STK39: variants seen among roughly 807,000 people sequenced by gnomAD.
The protein encoded by STK39 is serine/threonine kinase 39.
In STK39, 20 loss-of-function variants were observed where a neutral mutation model predicts 77.8. The ratio of observed to expected loss-of-function variants is 0.26; its 90% CI spans 0.18 to 0.37. STK39 has a LOEUF of 0.37. STK39 is among the 10% of genes least tolerant of loss of function. STK39 has a pLI of 1.00. For synonymous variants in STK39, 246 were observed against 234.1 expected, an observed-to-expected ratio of 1.05 and a Z score of -0.47; for missense variants, 479 against 656.5, an observed-to-expected ratio of 0.73 and a Z score of 2.95.
At chr2:167,997,915 A>T (rs1683888704) in intron 16 of STK39, among the ~76,000 whole-genome samples, 1 of 152,232 alleles carries the variant, frequency 6.6e-6, no homozygotes, top group South Asian at 2.1e-4. Context: ...ACTAAAATTC[A>T]ACCATAACCA....
At chr2:168,187,092 C>T (rs953010872) in intron 1 of STK39, among the ~76,000 whole-genome samples, 20 of 152,326 alleles carry the variant, frequency 1.3e-4, no homozygotes, top group Non-Finnish European at 2.5e-4. Flanking sequence ...GTGGCTCACG[C>T]CTGTAATCCC....
chr2:168,163,545 C>A (rs1688627422), intron 4 of STK39, 194 bp downstream of exon 4: 2 of 959,806 alleles, frequency 2.1e-6, no homozygotes, highest in Non-Finnish European at 1.2e-6. Context: ...AAAGTAATGT[C>A]AATACCTGCC....
At chr2:168,229,718 G>A (rs1690403933) in intron 1 of STK39, among the ~76,000 whole-genome samples, 1 of 152,136 alleles carries the variant, frequency 6.6e-6, no homozygotes, top group Non-Finnish European at 1.5e-5. Context: ...ATGACTTGTA[G>A]GTGGCAGGAG....
intron 14 of STK39, among the ~76,000 whole-genome samples, chr2:168,055,556 C>A (rs1424530402): frequency 6.6e-6 from 1 of 152,200 alleles, no homozygotes; most frequent in African/African-American, 2.4e-5. Flanking sequence ...TACATAATAA[C>A]AAGGTAAATT....
At chr2:168,066,888 C>A (rs1200291331) in intron 12 of STK39, among the ~76,000 whole-genome samples, 2 of 152,224 alleles carry the variant, frequency 1.3e-5, no homozygotes, top group Non-Finnish European at 2.9e-5. Context: ...GGAGGGAATA[C>A]AGTTTGGATA....
intron 10 of STK39, among the ~76,000 whole-genome samples, chr2:168,084,475 G>A (rs1686317419): frequency 6.6e-6 from 1 of 152,188 alleles, no homozygotes; most frequent in African/African-American, 2.4e-5. Context: ...AATGACTGTT[G>A]TTTTAAGAAG....
chr2:168,190,301 G>A (rs1041503797), intron 1 of STK39, among the ~76,000 whole-genome samples: 2 of 152,148 alleles, frequency 1.3e-5, no homozygotes, highest in Middle Eastern at 3.2e-3. Flanking sequence ...GGCACTGGTG[G>A]GCTATATAAC....
rs1216099147 is a variant in STK39 at position 168,247,210 on chromosome 2, C to A, written c.208+18G>T. The A allele has an allele frequency of 3.3e-6, 4 of 1,197,538 alleles. No homozygotes were observed. Among genetic ancestry groups the A allele is most frequent in the Middle Eastern group, 3.5e-4 (1 of 2,840 alleles). The allele number at this position is 1,197,538 out of a possible 1,614,324, so 74.2% of individuals were successfully genotyped here. ...GGCGCCCGGCCTGTGCCGGCCCCGC[C>A]GCGCCCGCCGCACTGACCGATAACC... On this transcript the variant is annotated intron_variant, in intron 1 of 17. Transcript: ENST00000355999.
At chr2:167,971,366 A>C (rs1692339594) in intron 16 of STK39, among the ~76,000 whole-genome samples, 1 of 152,218 alleles carries the variant, frequency 6.6e-6, no homozygotes, top group Non-Finnish European at 1.5e-5. Context: ...AACTGGTAGC[A>C]AATGATAATA....
At chr2:167,956,684 A>ACACACACACACC (rs1691778788) in intron 17 of STK39, among the ~76,000 whole-genome samples, 2 of 43,854 alleles carry the variant, frequency 4.6e-5, no homozygotes, top group Non-Finnish European at 9.7e-5. Flanking sequence ...ACACACACAC[A>ACACACACACACC]CACACACACA....
chr2:168,097,651 C>T (rs1379163933), intron 10 of STK39, among the ~76,000 whole-genome samples: 1 of 152,062 alleles, frequency 6.6e-6, no homozygotes, highest in Non-Finnish European at 1.5e-5. Flanking sequence ...GGGAGGATCC[C>T]TTGAGGCCAG....
At chr2:168,151,024 T>C (rs1428462461) in intron 5 of STK39, among the ~76,000 whole-genome samples, 1 of 152,126 alleles carries the variant, frequency 6.6e-6, no homozygotes, top group Non-Finnish European at 1.5e-5. Context: ...TGTTTGGCTC[T>C]ATATGCCATG....
chr2:167,967,220 A>G (rs926330583), intron 16 of STK39, among the ~76,000 whole-genome samples: 1 of 152,192 alleles, frequency 6.6e-6, no homozygotes, highest in African/African-American at 2.4e-5. Flanking sequence ...TTTCCCAAAT[A>G]AAACTCATGC....
At chr2:168,047,083 A>G (rs1685263827) in intron 14 of STK39, among the ~76,000 whole-genome samples, 1 of 152,200 alleles carries the variant, frequency 6.6e-6, no homozygotes, top group South Asian at 2.1e-4. Flanking sequence ...TAGCCCTGAT[A>G]TTTTTTAAGT....
At chr2:168,144,265 T>C (rs17794324) in intron 5 of STK39, among the ~76,000 whole-genome samples, 8,731 of 152,264 alleles carry the variant, frequency 0.057, 342 homozygotes, top group Non-Finnish European at 0.093. Flanking sequence ...TTAAACTTTC[T>C]GGGCCTTATT....
At chr2:168,152,294 A>T (rs1421956223) in intron 5 of STK39, among the ~76,000 whole-genome samples, 2 of 152,238 alleles carry the variant, frequency 1.3e-5, no homozygotes, top group African/African-American at 4.8e-5. Flanking sequence ...AAAAGCAGCC[A>T]CAGGACAGAG....
intron 1 of STK39, among the ~76,000 whole-genome samples, chr2:168,213,311 G>C (rs745446502): frequency 6.6e-6 from 1 of 152,162 alleles, no homozygotes; most frequent in Non-Finnish European, 1.5e-5. Flanking sequence ...TGATTGCCAT[G>C]AGTAGGGTAA....
At position 168,180,913 on chromosome 2, in the gene STK39, A is replaced by G. The variant is rs371985840; in HGVS notation, c.321+1065T>C. Among the ~76,000 whole-genome samples the G allele has an allele frequency of 1.2e-4, 19 of 152,356 alleles. No homozygotes were observed. In the East Asian group the frequency reaches 1.3e-3, roughly 11 times the overall value. ...CTATGCATTGTGTAGCCTAATTTAA[A>G]ATGTAAGGCCAAACAGATCTGGAAA... On this transcript the variant is annotated intron_variant, in intron 2 of 17. Coordinates refer to ENST00000355999, the MANE Select transcript of STK39 (RefSeq NM_013233.3).
intron 17 of STK39, among the ~76,000 whole-genome samples, chr2:167,956,694 A>T (rs886245372): frequency 3.8e-4 from 16 of 41,712 alleles, no homozygotes; most frequent in Middle Eastern, 7.0e-3. Flanking sequence ...ACACACACAC[A>T]CACTCTCTCT....
Sources: gnomAD v4.1 joint callset for allele counts (sites outside exome capture counted in the v4.1 genomes callset) on GRCh38, gnomAD v4.1.1 for gene constraint, MANE v1.5 for transcripts, NCBI Gene and HGNC (gene_info 2026-07-23, HGNC 2026-07-21) for gene names.